Variants in SAMD7 observed in about 807,000 individuals in gnomAD.
SAMD7 encodes sterile alpha motif domain containing 7.
SAMD7 carries 34 observed loss-of-function variants against 36.7 expected under a neutral mutation model. That is an observed-to-expected ratio of 0.93 (90% CI 0.71 to 1.23). SAMD7 has a LOEUF of 1.23. Among genes scored for constraint, SAMD7 ranks in the 50% most tolerant of loss-of-function variants. SAMD7 has a pLI of 0.00. For missense variants in SAMD7, 570 were observed against 546.6 expected (o/e 1.04, Z -0.43); for synonymous variants, 188 against 189.7 (o/e 0.99, Z 0.07).
At chr3:169,936,099 C>A (rs1713705535) in intron 7 of SAMD7, among the ~76,000 whole-genome samples, 1 of 152,126 alleles carries the variant, frequency 6.6e-6, no homozygotes, top group African/African-American at 2.4e-5. Flanking sequence ...AATCACTATT[C>A]CTGGTTGGAA....
At chr3:169,922,838 A>G (rs1311217895) in intron 4 of SAMD7, among the ~76,000 whole-genome samples, 1 of 152,150 alleles carries the variant, frequency 6.6e-6, no homozygotes, top group Non-Finnish European at 1.5e-5. Context: ...CGATCATTTT[A>G]CATTGGACTA....
chr3:169,912,572 A>T (rs1358557086), intron 1 of SAMD7, among the ~76,000 whole-genome samples: 3 of 152,182 alleles, frequency 2.0e-5, no homozygotes, highest in African/African-American at 4.8e-5. Context: ...GACTTCTTTA[A>T]TGATGTCAAA....
chr3:169,925,172 C>T (rs373087006), intron 5 of SAMD7, 36 bp downstream of exon 5: 348 of 1,341,528 alleles, frequency 2.6e-4, no homozygotes, highest in Non-Finnish European at 3.4e-4. Context: ...ATTCTCTATT[C>T]ATTCACTTGC....
intron 7 of SAMD7, among the ~76,000 whole-genome samples, chr3:169,930,739 G>A (rs760717844): frequency 4.0e-5 from 6 of 151,842 alleles, no homozygotes; most frequent in East Asian, 1.9e-4. Flanking sequence ...ACACCACCAC[G>A]CCTGGCTAAT....
Position 169,924,854 on chromosome 3 carries a change from A to G in SAMD7, c.212-204A>G, listed in dbSNP as rs946537959. ...ACCAACAATTAAAGAACAAAAAATT[A>G]TCTGGTATTTGTCATGCTGTCACCA... On this transcript the variant is annotated intron_variant, in intron 4 of 8. Transcript: ENST00000335556. Among the ~76,000 whole-genome samples the G allele has an allele frequency of 5.9e-5, 9 of 152,284 alleles. No individual in the cohort carries two copies. The East Asian group carries it at 1.3e-3, about 23-fold the overall frequency.
chr3:169,925,315 T>A (rs115224615), intron 5 of SAMD7, among the ~76,000 whole-genome samples, 179 bp downstream of exon 5: 2,079 of 152,242 alleles, frequency 0.014, 49 homozygotes, highest in African/African-American at 0.047. Context: ...CTGCTCTGCC[T>A]ATGGGGTAGC....
At chr3:169,931,579 C>G (rs1349020519) in intron 7 of SAMD7, among the ~76,000 whole-genome samples, 1 of 152,140 alleles carries the variant, frequency 6.6e-6, no homozygotes, top group Non-Finnish European at 1.5e-5. Context: ...CTTAGCCTCC[C>G]AAGTAACTGA....
At chr3:169,921,135 A>C (rs1168357538) in intron 3 of SAMD7, 79 bp from the exon 4 acceptor site, 1 of 1,346,576 alleles carries the variant, frequency 7.4e-7, no homozygotes, top group Non-Finnish European at 1.1e-6. Flanking sequence ...GCAATAACAA[A>C]ATCTCATTGT....
Position 169,937,838 on chromosome 3 carries a change from C to T in SAMD7, c.1153-480C>T, listed in dbSNP as rs1713778865. 2.0e-5 allele frequency among the ~76,000 whole-genome samples: 3 copies of T among 152,250 alleles called. No individual in the cohort carries two copies. In the South Asian group the frequency reaches 6.2e-4, roughly 32 times the overall value. On this transcript the variant is annotated intron_variant, in intron 8 of 8. Transcript: ENST00000335556. ...AAATCTTTCAGAAATCATGCATTGG[C>T]CTTCTAACTGCTCTCCCTGCTTCTG... is the stretch of plus-strand genomic sequence containing the variant.
chr3:169,932,491 C>G (rs1187469535), intron 7 of SAMD7: 2 of 584,192 alleles, frequency 3.4e-6, no homozygotes, highest in Non-Finnish European at 6.7e-6. Flanking sequence ...GTCCCAGAGC[C>G]CTGCTGATGG....
intron 6 of SAMD7, among the ~76,000 whole-genome samples, chr3:169,927,762 A>G (rs1424464494): frequency 6.6e-6 from 1 of 152,126 alleles, no homozygotes; most frequent in African/African-American, 2.4e-5. Context: ...AACATAATAG[A>G]ATTTTAATTT....
At chr3:169,926,240 A>G in intron 5 of SAMD7, 1 of 1,326,590 alleles carries the variant, frequency 7.5e-7, no homozygotes, top group Non-Finnish European at 9.9e-7. Context: ...CCAGTACTTT[A>G]GGTTTTTTGA....
In SAMD7 at chr3:169,927,248, A is replaced by G. The variant is rs535219508; in HGVS notation, c.919+67A>G. On this transcript the variant is annotated intron_variant, in intron 6 of 8. Transcript: ENST00000335556. ...GGTTGCCAAGTCCGTAGGTTACTAC[A>G]TAATAAACTGTAACCATCCTGCCTC... The G allele has an allele frequency of 1.7e-4, 196 of 1,120,794 alleles. No homozygotes were observed. The African/African-American group carries it at 2.3e-3, about 13-fold the overall frequency. The allele number at this position is 1,120,794 out of a possible 1,614,324, so 69.4% of individuals were successfully genotyped here. A position where few individuals can be genotyped will look rare whatever the true frequency, so the allele number is the denominator to read the frequency against.
chr3:169,926,817 G>GA lies in SAMD7; in HGVS notation c.560dup (p.Asn187LysfsTer11), dbSNP rs1294279097. 5 of 1,613,786 alleles carry GA rather than the reference G, an allele frequency of 3.1e-6. No homozygotes were observed. Among genetic ancestry groups the GA allele is most frequent in the Non-Finnish European group, 4.2e-6 (5 of 1,179,978 alleles). On this transcript the variant is annotated frameshift_variant, in exon 6 of 9. Coordinates refer to ENST00000335556, the MANE Select transcript of SAMD7 (RefSeq NM_001304366.2). LOFTEE classifies it high-confidence loss of function. ...GGGGGCAGAGATGTCGTCGACTCAG[G>GA]AAAAATACAGGGAATCAAAAAGCTC... is the stretch of plus-strand genomic sequence containing the variant.
intron 6 of SAMD7, among the ~76,000 whole-genome samples, chr3:169,928,212 G>A (rs1052043193): frequency 1.3e-5 from 2 of 152,206 alleles, no homozygotes; most frequent in African/African-American, 4.8e-5. Flanking sequence ...GTTGTAATCT[G>A]AGAGAAGCTG....
chr3:169,933,496 G>A (rs567783757), intron 7 of SAMD7, among the ~76,000 whole-genome samples: 1 of 152,240 alleles, frequency 6.6e-6, no homozygotes, highest in East Asian at 1.9e-4. Flanking sequence ...CATCATAGTT[G>A]GTCAGTCTTA....
At chr3:169,916,085 A>G (rs1159345558) in intron 2 of SAMD7, among the ~76,000 whole-genome samples, 3 of 152,170 alleles carry the variant, frequency 2.0e-5, no homozygotes, top group Non-Finnish European at 4.4e-5. Flanking sequence ...AGAACACTCA[A>G]CATGAAATTT....
intron 1 of SAMD7, among the ~76,000 whole-genome samples, chr3:169,914,909 A>G (rs1233615768): frequency 1.3e-5 from 2 of 152,238 alleles, no homozygotes; most frequent in East Asian, 3.8e-4. Flanking sequence ...GAAGTCTGCC[A>G]CATTGCCTCA....
At chr3:169,916,140 G>A (rs1344224296) in intron 2 of SAMD7, among the ~76,000 whole-genome samples, 2 of 152,134 alleles carry the variant, frequency 1.3e-5, no homozygotes, top group Non-Finnish European at 2.9e-5. Context: ...GAACCTGAAG[G>A]ACATTATGCT....
Sources: gnomAD v4.1 joint callset for allele counts (sites outside exome capture counted in the v4.1 genomes callset) on GRCh38, gnomAD v4.1.1 for gene constraint, MANE v1.5 for transcripts, NCBI Gene and HGNC (gene_info 2026-07-23, HGNC 2026-07-21) for gene names.